KIF26B: variants seen among roughly 807,000 people sequenced by gnomAD.
KIF26B encodes the protein kinesin-like protein KIF26B.
A neutral mutation model predicts 151.2 loss-of-function variants in KIF26B; 63 were observed. The ratio of observed to expected loss-of-function variants is 0.42; its 90% CI spans 0.34 to 0.51. The LOEUF (loss-of-function observed/expected upper bound fraction) is 0.51. KIF26B is among the 20% of genes least tolerant of loss of function. The pLI is 0.07. For synonymous variants in KIF26B, 1,357 were observed against 1,262.1 expected (o/e 1.08, Z -1.59); for missense variants, 2,813 against 2,913.6 (o/e 0.97, Z 0.79).
chr1:245,653,712 T>TACA (rs959434859), intron 10 of KIF26B, among the ~76,000 whole-genome samples: 3 of 151,964 alleles, frequency 2.0e-5, no homozygotes, highest in Non-Finnish European at 4.4e-5. Context: ...ACAAGTGGGG[T>TACA]ACAACAGAGG....
chr1:245,588,559 C>A (rs1026389961), intron 5 of KIF26B, among the ~76,000 whole-genome samples: 5 of 152,216 alleles, frequency 3.3e-5, no homozygotes, highest in Non-Finnish European at 7.3e-5. Context: ...CACTCAGACC[C>A]CCTCCAGTCC....
At chr1:245,378,172 G>A (rs532117920) in intron 3 of KIF26B, among the ~76,000 whole-genome samples, 169 of 152,150 alleles carry the variant, frequency 1.1e-3, no homozygotes, top group African/African-American at 4.0e-3. Context: ...CTGATAATTT[G>A]GTCTGTATTT....
Position 245,410,703 on chromosome 1 carries a change from G to GC in KIF26B, c.1000-8870dup, listed in dbSNP as rs556210688. 1.4e-4 allele frequency among the ~76,000 whole-genome samples: 21 copies of GC among 152,180 alleles called. No homozygotes were observed. In the South Asian group the frequency reaches 4.2e-3, roughly 30 times the overall value. On this transcript the variant is annotated intron_variant, in intron 3 of 14. Transcript: ENST00000407071. ...GAGCTCAAGCAATCTGTCTGCCTCG[G>GC]CCCCCCAAAGGCTTGAGCCACCCCA...
At chr1:245,558,281 G>A (rs1177852002) in intron 5 of KIF26B, among the ~76,000 whole-genome samples, 2 of 152,194 alleles carry the variant, frequency 1.3e-5, no homozygotes, top group African/African-American at 4.8e-5. Context: ...CCAGCCCAAG[G>A]CTGCAGGGGG....
intron 10 of KIF26B, among the ~76,000 whole-genome samples, chr1:245,671,598 C>T (rs551448317): frequency 4.0e-4 from 61 of 152,282 alleles, no homozygotes; most frequent in African/African-American, 1.3e-3. Context: ...CTAAACTGTG[C>T]GCTTAGTTGC....
intron 3 of KIF26B, among the ~76,000 whole-genome samples, chr1:245,396,011 A>T (rs998703259): frequency 3.9e-5 from 6 of 152,068 alleles, no homozygotes; most frequent in African/African-American, 1.4e-4. Flanking sequence ...TCCCAAAACC[A>T]TGTCCTCTAG....
In KIF26B at chr1:245,352,778, G is replaced by C. The variant is rs1488154072; in HGVS notation, c.466-14056G>C. Among the ~76,000 whole-genome samples, 2 of 152,032 alleles carry C rather than the reference G, an allele frequency of 1.3e-5. No homozygotes were observed. Among genetic ancestry groups the C allele is most frequent in the Non-Finnish European group, 1.5e-5 (1 of 68,010 alleles). On this transcript the variant is annotated intron_variant, in intron 2 of 14. Coordinates refer to ENST00000407071, the MANE Select transcript of KIF26B (RefSeq NM_018012.4). The surrounding 1 kb of genome is among the most constrained non-coding windows in gnomAD (Gnocchi z 5.0). Reference sequence around the variant, plus strand: ...CTCCTGAGCCTGTCTTACTAGTACGGGTTCCCCAACCCCACGACTAGAACT... The same window carrying C: ...CTCCTGAGCCTGTCTTACTAGTACGCGTTCCCCAACCCCACGACTAGAACT...
At position 245,685,758 on chromosome 1, in the gene KIF26B, G is replaced by A. The variant is rs368334439; in HGVS notation, c.2775G>A (p.Thr925=). 33 of 1,612,258 alleles carry A rather than the reference G, an allele frequency of 2.0e-5. No homozygotes were observed. Among genetic ancestry groups the A allele is most frequent in the Admixed American group, 3.3e-5 (2 of 59,988 alleles). The change falls in exon 12 of 15, where the codon ACG becomes ACA. Residue 925 remains threonine (T), a synonymous_variant. Coordinates refer to ENST00000407071, the MANE Select transcript of KIF26B (RefSeq NM_018012.4). ...KSERDCLKCN[T]FAELQERLDC... ...AAAGGGACTGCCTGAAGTGCAACAC[G>A]TTTGCCGAGCTGCAGGAGAGGCTGG...
At chr1:245,498,296 G>C (rs1660551608) in intron 4 of KIF26B, among the ~76,000 whole-genome samples, 2 of 152,162 alleles carry the variant, frequency 1.3e-5, no homozygotes, top group Admixed American at 1.3e-4. Flanking sequence ...GGCAACTCAG[G>C]TGATAAGTCA....
intron 10 of KIF26B, among the ~76,000 whole-genome samples, chr1:245,652,116 G>T (rs936378677): frequency 4.5e-5 from 6 of 132,902 alleles, no homozygotes; most frequent in Admixed American, 3.9e-4. Context: ...GTGTGTGTGT[G>T]TGTGTGTGTG....
At chr1:245,528,190 A>C (rs1210693497) in intron 4 of KIF26B, among the ~76,000 whole-genome samples, 1 of 152,182 alleles carries the variant, frequency 6.6e-6, no homozygotes, top group Non-Finnish European at 1.5e-5. Flanking sequence ...GCCGAGATGC[A>C]GATCAGGAAG....
At chr1:245,278,483 G>T (rs1182954548) in intron 2 of KIF26B, among the ~76,000 whole-genome samples, 2 of 152,120 alleles carry the variant, frequency 1.3e-5, no homozygotes, top group African/African-American at 4.8e-5. Context: ...ATAAAGGCAG[G>T]TCTCTGCTTT....
At chr1:245,279,901 T>C (rs1397382251) in intron 2 of KIF26B, among the ~76,000 whole-genome samples, 2 of 152,166 alleles carry the variant, frequency 1.3e-5, no homozygotes, top group Non-Finnish European at 2.9e-5. Context: ...CGTAAATCTT[T>C]AGCTTCATTG....
chr1:245,309,172 TGGAATACCAGG>T (rs1475195916), intron 2 of KIF26B, among the ~76,000 whole-genome samples: 2 of 152,306 alleles, frequency 1.3e-5, no homozygotes, highest in East Asian at 3.9e-4. Flanking sequence ...CAGGATTGCC[TGGAATACCAGG>T]GATTATTAGT....
rs960291584 is a variant in KIF26B, at chr1:245,560,450, G to T, written c.1350+19500G>T. 6.6e-6 allele frequency among the ~76,000 whole-genome samples: 1 copy of T among 152,052 alleles called. No individual in the cohort carries two copies. Among genetic ancestry groups the T allele is most frequent in the African/African-American group, 2.4e-5 (1 of 41,392 alleles). On this transcript the variant is annotated intron_variant, in intron 5 of 14. Coordinates refer to ENST00000407071, the MANE Select transcript of KIF26B (RefSeq NM_018012.4). This position sits in a 1 kb window ranked among gnomAD's most constrained non-coding sequence, Gnocchi z 4.3. ...TATGGTATTACTTTATTTTAATTCT[G>T]CCATGACATTTGTGGCGGTTGTTTT...
chr1:245,368,219 C>A (rs1392954529), intron 3 of KIF26B, among the ~76,000 whole-genome samples: 1 of 152,096 alleles, frequency 6.6e-6, no homozygotes, highest in Admixed American at 6.5e-5. Context: ...TCTTCCTTTT[C>A]AGTTATTTAA....
At chr1:245,631,017 A>G (rs1025866690) in intron 9 of KIF26B, among the ~76,000 whole-genome samples, 1 of 152,156 alleles carries the variant, frequency 6.6e-6, no homozygotes, top group East Asian at 1.9e-4. Flanking sequence ...ATCAGTTCTC[A>G]GAGTTTTTGG....
chr1:245,499,245 ATG>A (rs112357836), intron 4 of KIF26B, among the ~76,000 whole-genome samples: 3 of 151,332 alleles, frequency 2.0e-5, no homozygotes, highest in African/African-American at 4.8e-5. Flanking sequence ...AATAATAGTG[ATG>A]TGTGTGTGTG....
rs6669957 is a variant in KIF26B, at chr1:245,601,332, G to A, written c.1351-1245G>A. Among the ~76,000 whole-genome samples the A allele has an allele frequency of 0.11, 16,153 of 152,206 alleles. 898 individuals are homozygous for A. The highest frequency in any genetic ancestry group is 0.15 in the Middle Eastern group (44 of 294). ...TGCTCACTGCAGATTAGTCCTCATC[G>A]CTCAGCAGAGAGAGTCGAGATTGGC... On this transcript the variant is annotated intron_variant, in intron 5 of 14. Coordinates refer to ENST00000407071, the MANE Select transcript of KIF26B (RefSeq NM_018012.4). This position sits in a 1 kb window ranked among gnomAD's most constrained non-coding sequence, Gnocchi z 4.4.
Sources: gnomAD v4.1 joint callset for allele counts (sites outside exome capture counted in the v4.1 genomes callset) on GRCh38, gnomAD v4.1.1 for gene constraint, Gnocchi (gnomAD v3.1) non-coding constraint, MANE v1.5 for transcripts, NCBI Gene and HGNC (gene_info 2026-07-23, HGNC 2026-07-21) for gene names.